Variants in CSMD3 observed in about 807,000 individuals in gnomAD.
CSMD3 encodes CUB and sushi domain-containing protein 3.
A neutral mutation model predicts 435.2 loss-of-function variants in CSMD3; 177 were observed. The observed-to-expected ratio is 0.41, with a 90% CI of 0.36 to 0.46. The LOEUF is 0.46. Ranked by LOEUF, CSMD3 falls within the 20% of genes least tolerant of loss-of-function variation. The pLI is 0.34. For synonymous variants in CSMD3, 1,656 were observed against 1,520.5 expected (o/e 1.09, Z -2.07); for missense variants, 4,265 against 4,504.6 (o/e 0.95, Z 1.52).
chr8:112,963,856 T>A (rs1210445522), intron 7 of CSMD3, among the ~76,000 whole-genome samples: 1 of 151,962 alleles, frequency 6.6e-6, no homozygotes, highest in African/African-American at 2.4e-5. Context: ...CAATATTCCA[T>A]ATCAATATTG....
intron 30 of CSMD3, among the ~76,000 whole-genome samples, chr8:112,501,818 A>G (rs1821995136): frequency 1.3e-5 from 2 of 152,208 alleles, no homozygotes; most frequent in Admixed American, 1.3e-4. Context: ...AAAAATTTAT[A>G]TATTAACTTT....
At chr8:113,060,559 A>T (rs2088568805) in intron 5 of CSMD3, among the ~76,000 whole-genome samples, 1 of 152,192 alleles carries the variant, frequency 6.6e-6, no homozygotes, top group East Asian at 1.9e-4. Context: ...AACTATAGAC[A>T]CAAATATAGT....
Position 112,224,257 on chromosome 8 carries a change from T to C in CSMD3, c.*514A>G, listed in dbSNP as rs1415402265. 6.3e-6 allele frequency: 1 copy of C among 159,662 alleles called. No individual in the cohort carries two copies. Among genetic ancestry groups the C allele is most frequent in the African/African-American group, 2.4e-5 (1 of 41,500 alleles). The allele number at this position is 159,662 out of a possible 1,614,324, so 9.9% of individuals were successfully genotyped here. ...AACATTTAAAGTCATAACTCAATCT[T>C]AAATAAAGAAAACAATGCCTCATTT... On this transcript the variant is annotated 3_prime_UTR_variant, in exon 71 of 71. Coordinates refer to ENST00000297405, the MANE Select transcript of CSMD3 (RefSeq NM_198123.2).
chr8:112,495,353 C>T (rs886348362), intron 30 of CSMD3, among the ~76,000 whole-genome samples: 70 of 152,086 alleles, frequency 4.6e-4, no homozygotes, highest in African/African-American at 8.2e-4. Context: ...GAAAAGTTTG[C>T]TTTCTCCTTC....
chr8:112,836,748 C>CT (rs2080036818), intron 11 of CSMD3, among the ~76,000 whole-genome samples: 1 of 151,676 alleles, frequency 6.6e-6, no homozygotes, highest in African/African-American at 2.4e-5. Flanking sequence ...GGACAGTATG[C>CT]TTTTTAAATA....
At chr8:112,286,969 C>T (rs2130630923) in intron 58 of CSMD3, 95 bp downstream of exon 58, 1 of 969,646 alleles carries the variant, frequency 1.0e-6, no homozygotes, top group African/African-American at 1.6e-5. Context: ...GCAGAATAAA[C>T]TAGTAAGAGT....
intron 13 of CSMD3, among the ~76,000 whole-genome samples, chr8:112,761,508 T>TA (rs1563934863): frequency 6.6e-6 from 1 of 152,096 alleles, no homozygotes; most frequent in Non-Finnish European, 1.5e-5. Flanking sequence ...TGATAAGTGT[T>TA]ACCCCTCTTC....
At chr8:112,897,414 T>G (rs1404835609) in intron 10 of CSMD3, among the ~76,000 whole-genome samples, 1 of 151,318 alleles carries the variant, frequency 6.6e-6, no homozygotes, top group Non-Finnish European at 1.5e-5. Flanking sequence ...AAATCATTAC[T>G]CTAAGAGTGA....
chr8:112,826,773 C>T (rs771290012), intron 12 of CSMD3, among the ~76,000 whole-genome samples: 10 of 152,144 alleles, frequency 6.6e-5, no homozygotes, highest in Non-Finnish European at 1.5e-4. Context: ...CCATACTGGC[C>T]CTGCCCCAAA....
chr8:112,741,424 T>C (rs1369540346), intron 13 of CSMD3, among the ~76,000 whole-genome samples: 3 of 151,688 alleles, frequency 2.0e-5, no homozygotes, highest in Non-Finnish European at 2.9e-5. Context: ...ATTATAGTAA[T>C]TATAAAAACA....
intron 12 of CSMD3, among the ~76,000 whole-genome samples, chr8:112,804,385 A>G (rs1384483002): frequency 1.3e-5 from 2 of 152,176 alleles, no homozygotes; most frequent in Non-Finnish European, 2.9e-5. Flanking sequence ...TAAAAGGCAT[A>G]ACCCCTATTC....
At chr8:112,295,810 T>C (rs974273657) in intron 54 of CSMD3, 23 bp downstream of exon 54, 2 of 1,610,532 alleles carry the variant, frequency 1.2e-6, no homozygotes, top group South Asian at 1.1e-5. Context: ...AGGTCTCTAA[T>C]TGCTTTTGCC....
chr8:112,728,528 TTC>T (rs1473218835), intron 13 of CSMD3, among the ~76,000 whole-genome samples: 5 of 152,026 alleles, frequency 3.3e-5, no homozygotes, highest in African/African-American at 7.2e-5. Flanking sequence ...CATACCTATA[TTC>T]TGTTATTGTT....
intron 13 of CSMD3, among the ~76,000 whole-genome samples, chr8:112,788,196 T>C (rs1402006625): frequency 1.3e-5 from 2 of 152,156 alleles, no homozygotes; most frequent in Non-Finnish European, 1.5e-5. Flanking sequence ...CAGGGGAAAA[T>C]TGGGAAACCT....
At chr8:113,261,803 T>C (rs2093429569) in intron 3 of CSMD3, among the ~76,000 whole-genome samples, 1 of 152,084 alleles carries the variant, frequency 6.6e-6, no homozygotes, top group African/African-American at 2.4e-5. Context: ...ATAGTATACA[T>C]GGGCATATTC....
chr8:113,215,914 T>TA (rs906299762), intron 3 of CSMD3, among the ~76,000 whole-genome samples: 3 of 151,694 alleles, frequency 2.0e-5, no homozygotes, highest in African/African-American at 4.8e-5. Flanking sequence ...AATACTTTTT[T>TA]AAAAAAAATT....
At chr8:113,098,733 G>C (rs2131545605) in intron 5 of CSMD3, 23 bp downstream of exon 5, 1 of 1,490,100 alleles carries the variant, frequency 6.7e-7, no homozygotes. Context: ...TCAATGCAAG[G>C]TTAATAGAAG....
At chr8:112,720,265 A>T (rs2076828272) in intron 13 of CSMD3, among the ~76,000 whole-genome samples, 1 of 152,034 alleles carries the variant, frequency 6.6e-6, no homozygotes, top group South Asian at 2.1e-4. Flanking sequence ...TAACCAACTC[A>T]TTTGGTTTAA....
Position 112,859,252 on chromosome 8 carries a change from A to C in CSMD3, c.1648T>G (p.Ser550Ala). Reference sequence around the variant, plus strand: ...GTACCACTTGGTCCTTGAAGATTAGAGCCACACGTTTTCACTAAAAGAGAA... The same window carrying C: ...GTACCACTTGGTCCTTGAAGATTAGCGCCACACGTTTTCACTAAAAGAGAA... ...RPVCKVKTCG[S>A]NLQGPSGTFT... is the part of the protein sequence containing the mutation. The change falls in exon 11 of 71, where the codon TCT becomes GCT. Residue 550 changes from serine (S) to alanine (A), a missense_variant. Around this residue, in one of 3 missense-constraint regions of CSMD3, gnomAD observed 731 missense variants for 755.4 expected, o/e 0.97. Coordinates refer to ENST00000297405, the MANE Select transcript of CSMD3 (RefSeq NM_198123.2). 1 of 1,611,372 alleles carries C rather than the reference A, an allele frequency of 6.2e-7. No homozygotes were observed. Among genetic ancestry groups the C allele is most frequent in the Non-Finnish European group, 8.5e-7 (1 of 1,177,914 alleles).
Sources: gnomAD v4.1 joint callset for allele counts (sites outside exome capture counted in the v4.1 genomes callset) on GRCh38, gnomAD v4.1.1 for gene constraint, gnomAD v4.1.1 regional missense constraint, MANE v1.5 for transcripts, NCBI Gene and HGNC (gene_info 2026-07-23, HGNC 2026-07-21) for gene names.